INTS3: variants seen among roughly 807,000 people sequenced by gnomAD.
The protein encoded by INTS3 is SOSS complex subunit A.
In INTS3, 34 loss-of-function variants were observed where a neutral mutation model predicts 146.3. That is an observed-to-expected ratio of 0.23 (90% CI 0.18 to 0.31). The LOEUF (loss-of-function observed/expected upper bound fraction) is 0.31, where lower values mean the gene tolerates loss of function less well. INTS3 is among the 10% of genes least tolerant of loss of function. INTS3 has a pLI of 1.00. For synonymous variants in INTS3, 475 were observed against 494.9 expected (o/e 0.96, Z 0.53); for missense variants, 757 against 1,304.2 (o/e 0.58, Z 6.46).
In INTS3 at chr1:153,773,568, CT is replaced by C. The variant is rs1184579917; in HGVS notation, c.*299del. On this transcript the variant is annotated 3_prime_UTR_variant, in exon 30 of 30. Coordinates refer to ENST00000318967, the MANE Select transcript of INTS3 (RefSeq NM_023015.5). The stretch of plus-strand genomic sequence containing the variant: ...GACCATAGTGGAAGTCCTCAGCCCC[CT>C]GGCCCCTTCCGCAATCTCCTCCCCC... 4 of 497,868 alleles carry C rather than the reference CT, an allele frequency of 8.0e-6. No homozygotes were observed. The East Asian group carries it at 9.7e-5, about 12-fold the overall frequency. The allele number at this position is 497,868 out of a possible 1,614,324, so 30.8% of individuals were successfully genotyped here. A position where few individuals can be genotyped will look rare whatever the true frequency, so the allele number is the denominator to read the frequency against.
intron 4 of INTS3, 21 bp downstream of exon 4, chr1:153,747,091 C>T (rs1263370180): frequency 2.6e-6 from 4 of 1,535,634 alleles, no homozygotes; most frequent in Non-Finnish European, 3.6e-6. Flanking sequence ...AAAGAAAAGA[C>T]AAGATCCAGC....
chr1:153,772,879 G>A lies in INTS3; in HGVS notation c.2895-46G>A. 6.2e-7 allele frequency: 1 copy of A among 1,611,118 alleles called. No individual in the cohort carries two copies. Among genetic ancestry groups the A allele is most frequent in the Non-Finnish European group, 8.5e-7 (1 of 1,177,846 alleles). The stretch of plus-strand genomic sequence containing the variant: ...AGAGAAGAGGATGGGAGGTGCCGTA[G>A]GAGCAGCAGGCTCCCACTCAAAGAG... On this transcript the variant is annotated intron_variant, in intron 28 of 29. Coordinates refer to ENST00000318967, the MANE Select transcript of INTS3 (RefSeq NM_023015.5). The surrounding 1 kb of genome is among the most constrained non-coding windows in gnomAD (Gnocchi z 4.6).
chr1:153,744,015 T>C (rs1310070499), intron 3 of INTS3, among the ~76,000 whole-genome samples: 1 of 150,048 alleles, frequency 6.7e-6, no homozygotes, highest in Non-Finnish European at 1.5e-5. Context: ...ACTTCTCTTT[T>C]CCTCACTGAG....
chr1:153,769,684 C>T lies in INTS3; in HGVS notation c.2314-85C>T, dbSNP rs761880538. The T allele has an allele frequency of 4.2e-5, 36 of 847,074 alleles. No homozygotes were observed. In the East Asian group the frequency reaches 5.4e-4, roughly 13 times the overall value. 52.5% of individuals were successfully genotyped at this position (847,074 alleles called of 1,614,324 possible). A position where few individuals can be genotyped will look rare whatever the true frequency, so the allele number is the denominator to read the frequency against. The stretch of plus-strand genomic sequence containing the variant: ...TCCTCTAATTTTTTTTTTTCCCTTA[C>T]GAGCCCTCCTGCGTCCCCCTCCATA... On this transcript the variant is annotated intron_variant, in intron 22 of 29. Coordinates refer to ENST00000318967, the MANE Select transcript of INTS3 (RefSeq NM_023015.5).
chr1:153,746,253 C>T (rs1164337230), intron 3 of INTS3, among the ~76,000 whole-genome samples: 1 of 152,144 alleles, frequency 6.6e-6, no homozygotes, highest in African/African-American at 2.4e-5. Flanking sequence ...TTGCAGTGAC[C>T]TTTTACTGAC....
At chr1:153,739,531 T>C (rs1671437677) in intron 1 of INTS3, among the ~76,000 whole-genome samples, 1 of 151,514 alleles carries the variant, frequency 6.6e-6, no homozygotes, top group South Asian at 2.1e-4. Context: ...ACGGGGTTTC[T>C]CCATGTTCGT....
Position 153,733,197 on chromosome 1 carries a change from CTTTTTTTTTTTT to C in INTS3, c.150+4434_150+4445del, listed in dbSNP as rs60492889. On this transcript the variant is annotated intron_variant, in intron 1 of 29. Coordinates refer to ENST00000318967, the MANE Select transcript of INTS3 (RefSeq NM_023015.5). ...CATAGGGAGCAGTATTTACCGAATG[CTTTTTTTTTTTT>C]TTTTTTTTTTTTTTTTTTTTGCAGA... Among the ~76,000 whole-genome samples the C allele has an allele frequency of 2.8e-4, 12 of 42,728 alleles. 2 individuals carry two copies. Among genetic ancestry groups the C allele is most frequent in the Non-Finnish European group, 4.6e-4 (11 of 24,164 alleles). 28.0% of individuals were successfully genotyped at this position (42,728 alleles called of 152,430 possible).
In INTS3 at chr1:153,765,171, G is replaced by A. The variant is rs1250380892; in HGVS notation, c.2090+108G>A. 12 of 1,235,942 alleles carry A rather than the reference G, an allele frequency of 9.7e-6. No homozygotes were observed. In the Admixed American group the frequency reaches 1.9e-4, roughly 20 times the overall value. 76.6% of individuals were successfully genotyped at this position (1,235,942 alleles called of 1,614,324 possible). A position where few individuals can be genotyped will look rare whatever the true frequency, so the allele number is the denominator to read the frequency against. On this transcript the variant is annotated intron_variant, in intron 20 of 29. Transcript: ENST00000318967. ...GACTGTCATCACCAGGGCCTTCTTT[G>A]TGGGTCTGTTTGGTTGAGTTGGTTT...
At chr1:153,754,280 T>C (rs530245073) in intron 8 of INTS3, among the ~76,000 whole-genome samples, 3 of 152,228 alleles carry the variant, frequency 2.0e-5, no homozygotes, top group Non-Finnish European at 2.9e-5. Context: ...ACAAATAACA[T>C]TGATTCCAGG....
intron 10 of INTS3, among the ~76,000 whole-genome samples, chr1:153,758,508 G>T (rs1423955918): frequency 6.6e-6 from 1 of 152,202 alleles, no homozygotes; most frequent in Non-Finnish European, 1.5e-5. Flanking sequence ...ACTGCTGGAT[G>T]TATCAAGAAC....
At chr1:153,752,430 C>T in intron 8 of INTS3, 22 bp downstream of exon 8, 1 of 1,596,288 alleles carries the variant, frequency 6.3e-7, no homozygotes, top group Non-Finnish European at 8.5e-7. Context: ...CTTAGGCATC[C>T]TGTCCTTGAG....
intron 20 of INTS3, chr1:153,767,406 TC>T: frequency 2.6e-6 from 1 of 386,820 alleles, no homozygotes; most frequent in Non-Finnish European, 4.6e-6. Flanking sequence ...CCTCTTCTGT[TC>T]CTGACTCTCA....
chr1:153,760,818 C>T lies in INTS3; in HGVS notation c.1318-9C>T, dbSNP rs1372981477. 3 of 1,609,728 alleles carry T rather than the reference C, an allele frequency of 1.9e-6. No homozygotes were observed. The highest frequency in any genetic ancestry group is 2.2e-5 in the East Asian group (1 of 44,882). On this transcript the variant is annotated splice_polypyrimidine_tract_variant and intron_variant, in intron 12 of 29. Coordinates refer to ENST00000318967, the MANE Select transcript of INTS3 (RefSeq NM_023015.5). Reference sequence around the variant, plus strand: ...TGTGCTCATTTTTCCCCTCCTTCTTCGCTTCCAGATCATTCCCAACTTCTA... The same window carrying T: ...TGTGCTCATTTTTCCCCTCCTTCTTTGCTTCCAGATCATTCCCAACTTCTA...
In INTS3 at chr1:153,762,799, A is replaced by C. The variant is rs754302149; in HGVS notation, c.1588A>C (p.Asn530His). The C allele has an allele frequency of 6.2e-7, 1 of 1,614,062 alleles. No homozygotes were observed. The highest frequency in any genetic ancestry group is 8.5e-7 in the Non-Finnish European group (1 of 1,180,038). The change falls in exon 15 of 30, where the codon AAT (asparagine) becomes CAT (histidine). Residue 530 changes from asparagine (N) to histidine (H), a missense_variant. Transcript: ENST00000318967. The stretch of plus-strand genomic sequence containing the variant: ...GGATAAGGATGAGAGTTGCTATGAC[A>C]ATGCAGAGGCAGCCTTCAGTGACGA... ...MSDKDESCYD[N>H]AEAAFSDDEE...
chr1:153,754,563 G>T (rs1414410629), intron 8 of INTS3, 79 bp from the exon 9 acceptor site: 1 of 982,394 alleles, frequency 1.0e-6, no homozygotes, highest in South Asian at 1.3e-5. Context: ...TCAGTACCTG[G>T]CCCAGGTTCC....
intron 8 of INTS3, among the ~76,000 whole-genome samples, chr1:153,753,067 A>ACACT (rs1363983147): frequency 6.6e-6 from 1 of 151,644 alleles, no homozygotes; most frequent in African/African-American, 2.4e-5. Context: ...ACACACACAC[A>ACACT]CACTCACTCT....
At chr1:153,768,273 G>T (rs963202020) in intron 21 of INTS3, among the ~76,000 whole-genome samples, 1 of 152,196 alleles carries the variant, frequency 6.6e-6, no homozygotes, top group Non-Finnish European at 1.5e-5. Flanking sequence ...TCTAGGAACT[G>T]GGACATAACA....
chr1:153,739,409 C>A (rs758486262), intron 1 of INTS3, among the ~76,000 whole-genome samples: 11 of 149,332 alleles, frequency 7.4e-5, no homozygotes, highest in Non-Finnish European at 1.3e-4. Flanking sequence ...ATGATGCAAT[C>A]TCGGCTCACC....
At chr1:153,768,682 G>A (rs933206093) in intron 21 of INTS3, among the ~76,000 whole-genome samples, 1 of 152,164 alleles carries the variant, frequency 6.6e-6, no homozygotes, top group Non-Finnish European at 1.5e-5. Flanking sequence ...ACCCCTGATG[G>A]TGTGCACACA....
Sources: allele counts gnomAD v4.1 joint callset (sites outside exome capture counted in the v4.1 genomes callset), GRCh38; gene constraint gnomAD v4.1.1; non-coding constraint Gnocchi (gnomAD v3.1); transcripts MANE v1.5; gene names NCBI Gene and HGNC (gene_info 2026-07-23, HGNC 2026-07-21).